RYR3: variants seen among roughly 807,000 people sequenced by gnomAD.
RYR3 encodes the protein ryanodine receptor 3.
In RYR3, 207 loss-of-function variants were observed where a neutral mutation model predicts 584.3. That is an observed-to-expected ratio of 0.35 (90% CI 0.32 to 0.40). RYR3 has a LOEUF of 0.40. Ranked by LOEUF, RYR3 falls within the 10% of genes least tolerant of loss-of-function variation. RYR3 has a pLI of 1.00. For synonymous variants in RYR3, 2,416 were observed against 2,248.5 expected (o/e 1.07, Z -2.11); for missense variants, 5,616 against 6,089.2 (o/e 0.92, Z 2.59).
intron 27 of RYR3, 108 bp downstream of exon 27, chr15:33,636,658 C>T (rs936181560): frequency 7.9e-6 from 8 of 1,010,126 alleles, no homozygotes; most frequent in East Asian, 5.0e-5. Flanking sequence ...CTGTCCTTTG[C>T]ATATTTGAAA....
chr15:33,712,379 G>A (rs750737810), intron 43 of RYR3, among the ~76,000 whole-genome samples: 1 of 152,116 alleles, frequency 6.6e-6, no homozygotes, highest in Admixed American at 6.5e-5. Flanking sequence ...TGAGAGAAAA[G>A]GAACAGAGGT....
intron 18 of RYR3, among the ~76,000 whole-genome samples, chr15:33,612,425 G>A (rs1214887641): frequency 6.6e-6 from 1 of 152,200 alleles, no homozygotes; most frequent in Non-Finnish European, 1.5e-5. Context: ...CAATGGCACG[G>A]TCTCGGCTCT....
At chr15:33,599,376 G>A (rs546843377) in intron 16 of RYR3, among the ~76,000 whole-genome samples, 9 of 152,114 alleles carry the variant, frequency 5.9e-5, no homozygotes, top group Non-Finnish European at 1.3e-4. Context: ...CTGACGACAC[G>A]TGCCTAAGGT....
At chr15:33,614,569 T>C (rs16973289) in intron 19 of RYR3, among the ~76,000 whole-genome samples, 7,924 of 152,256 alleles carry the variant, frequency 0.052, 730 homozygotes, top group African/African-American at 0.18. Flanking sequence ...ACTTTTAATG[T>C]GCTTTTTCCA....
chr15:33,654,950 C>T (rs1441769795), intron 32 of RYR3, among the ~76,000 whole-genome samples: 1 of 152,344 alleles, frequency 6.6e-6, no homozygotes, highest in African/African-American at 2.4e-5. Context: ...GAGTAGCCAC[C>T]TCCCATCTGA....
Position 33,865,974 on chromosome 15 carries a change from A to T in RYR3, c.*748A>T, listed in dbSNP as rs553145901. On this transcript the variant is annotated 3_prime_UTR_variant, in exon 104 of 104. Coordinates refer to ENST00000634891, the MANE Select transcript of RYR3 (RefSeq NM_001036.6). ...GTACTGTACTGAAAATTCAGAAAAAAAATCTCAACCTTATGCCAAAATGGA... is the reference window on the plus strand; with the variant it reads ...GTACTGTACTGAAAATTCAGAAAAATAATCTCAACCTTATGCCAAAATGGA... 6.5e-6 allele frequency: 1 copy of T among 152,970 alleles called. No homozygotes were observed. The highest frequency in any genetic ancestry group is 2.1e-4 in the South Asian group (1 of 4,830). The allele number at this position is 152,970 out of a possible 1,614,324, so 9.5% of individuals were successfully genotyped here. A position where few individuals can be genotyped will look rare whatever the true frequency, so the allele number is the denominator to read the frequency against.
chr15:33,374,179 A>C (rs1408337379), intron 1 of RYR3, among the ~76,000 whole-genome samples: 1 of 152,058 alleles, frequency 6.6e-6, no homozygotes, highest in Non-Finnish European at 1.5e-5. Flanking sequence ...GTTTTTAAAG[A>C]AAAAAAAGCC....
At chr15:33,632,822 A>G (rs1428100082) in intron 23 of RYR3, 127 bp from the exon 24 acceptor site, 18 of 726,472 alleles carry the variant, frequency 2.5e-5, no homozygotes, top group Non-Finnish European at 3.6e-5. Context: ...TTGTTCAGCC[A>G]AAGAGTGGGA....
chr15:33,832,293 C>CA (rs10674932), intron 86 of RYR3, among the ~76,000 whole-genome samples: 7,686 of 140,332 alleles, frequency 0.055, 336 homozygotes, highest in African/African-American at 0.13. Context: ...GACTCAGTCT[C>CA]AAAAAAAAAA....
chr15:33,764,975 G>A (rs958336506), intron 60 of RYR3, among the ~76,000 whole-genome samples: 28 of 129,696 alleles, frequency 2.2e-4, no homozygotes, highest in African/African-American at 5.7e-4. Flanking sequence ...AGGTTGCAGC[G>A]AGCCAAGATC....
intron 1 of RYR3, among the ~76,000 whole-genome samples, chr15:33,312,864 T>G (rs1047321484): frequency 6.6e-6 from 1 of 152,190 alleles, no homozygotes; most frequent in African/African-American, 2.4e-5. Context: ...TAAGTGTTTT[T>G]TGTTTTTGTT....
chr15:33,554,038 G>A (rs2056884311), intron 10 of RYR3, among the ~76,000 whole-genome samples: 1 of 152,104 alleles, frequency 6.6e-6, no homozygotes, highest in Non-Finnish European at 1.5e-5. Context: ...CTACCACAGT[G>A]AGCGCCTTCT....
At chr15:33,602,325 A>T (rs10519834) in intron 17 of RYR3, among the ~76,000 whole-genome samples, 41,631 of 151,878 alleles carry the variant, frequency 0.27, 6,821 homozygotes, top group Non-Finnish European at 0.38. Flanking sequence ...TAACATAAAA[A>T]CTCTAAGTGG....
intron 10 of RYR3, among the ~76,000 whole-genome samples, chr15:33,552,378 G>A (rs1230356619): frequency 6.6e-6 from 1 of 152,094 alleles, no homozygotes; most frequent in Non-Finnish European, 1.5e-5. Flanking sequence ...ATCTCCCCAA[G>A]TTCCTCCATT....
chr15:33,835,984 G>T (rs868292736), intron 87 of RYR3, among the ~76,000 whole-genome samples: 5 of 152,088 alleles, frequency 3.3e-5, no homozygotes, highest in South Asian at 2.1e-4. Context: ...GATCTCTGAG[G>T]TCTCTTCACA....
chr15:33,422,791 C>T (rs1355819106), intron 1 of RYR3, among the ~76,000 whole-genome samples: 1 of 152,132 alleles, frequency 6.6e-6, no homozygotes, highest in Admixed American at 6.6e-5. Flanking sequence ...CTTGTATCCC[C>T]TGTAAAACAG....
intron 3 of RYR3, among the ~76,000 whole-genome samples, chr15:33,519,555 C>T (rs1265188336): frequency 6.6e-6 from 1 of 151,988 alleles, no homozygotes; most frequent in Admixed American, 6.6e-5. Flanking sequence ...ATTTGAATTA[C>T]CTGGGAGCTC....
chr15:33,644,016 C>T (rs1467680917), intron 27 of RYR3, among the ~76,000 whole-genome samples: 1 of 152,170 alleles, frequency 6.6e-6, no homozygotes, highest in Non-Finnish European at 1.5e-5. Flanking sequence ...CTGGTTTTGC[C>T]TTTCCAGTTG....
At chr15:33,720,278 C>G (rs2067813497) in intron 43 of RYR3, among the ~76,000 whole-genome samples, 1 of 152,174 alleles carries the variant, frequency 6.6e-6, no homozygotes, top group Non-Finnish European at 1.5e-5. Context: ...GTAGACTCTT[C>G]AGGGCTGTGA....
Sources: gnomAD v4.1 joint callset for allele counts (sites outside exome capture counted in the v4.1 genomes callset) on GRCh38, gnomAD v4.1.1 for gene constraint, MANE v1.5 for transcripts, NCBI Gene and HGNC (gene_info 2026-07-23, HGNC 2026-07-21) for gene names.